PRKD1: variants seen among roughly 807,000 people sequenced by gnomAD.
PRKD1 encodes the protein serine/threonine-protein kinase D1.
PRKD1 carries 63 observed loss-of-function variants against 95.9 expected under a neutral mutation model. The ratio of observed to expected loss-of-function variants is 0.66; its 90% CI spans 0.54 to 0.81. The LOEUF (loss-of-function observed/expected upper bound fraction) is 0.81. Ranked by LOEUF, PRKD1 falls within the 30% of genes least tolerant of loss-of-function variation. The pLI, the probability that PRKD1 is intolerant of heterozygous loss-of-function variation, is 0.00. For synonymous variants in PRKD1, 425 were observed against 423.1 expected (o/e 1.00, Z -0.05); for missense variants, 1,048 against 1,165.3 (o/e 0.90, Z 1.47).
At chr14:29,677,342 G>T (rs1381359224) in intron 2 of PRKD1, among the ~76,000 whole-genome samples, 2 of 152,084 alleles carry the variant, frequency 1.3e-5, no homozygotes, top group African/African-American at 4.8e-5. Context: ...CTTTCAGTAT[G>T]GATAAATTAG....
intron 1 of PRKD1, among the ~76,000 whole-genome samples, chr14:29,820,309 A>T (rs905928574): frequency 6.6e-6 from 1 of 152,246 alleles, no homozygotes; most frequent in Non-Finnish European, 1.5e-5. Context: ...ACTAGCCTTA[A>T]AGGAACTCAC....
At chr14:29,770,930 CAA>C (rs753745571) in intron 1 of PRKD1, among the ~76,000 whole-genome samples, 857 of 47,046 alleles carry the variant, frequency 0.018, 2 homozygotes, top group African/African-American at 0.041. Flanking sequence ...AGACACTGTC[CAA>C]AAAAAAAAAA....
chr14:29,631,787 C>A (rs577425897), intron 9 of PRKD1, among the ~76,000 whole-genome samples: 1 of 147,930 alleles, frequency 6.8e-6, no homozygotes. Context: ...TGAGCCACTG[C>A]GCCTGGCCTT....
At chr14:29,840,148 T>G (rs1345931600) in intron 1 of PRKD1, among the ~76,000 whole-genome samples, 1 of 152,178 alleles carries the variant, frequency 6.6e-6, no homozygotes, top group East Asian at 1.9e-4. Flanking sequence ...TAAAACTGAA[T>G]GCCTTTAACA....
intron 8 of PRKD1, among the ~76,000 whole-genome samples, chr14:29,633,503 C>T (rs983766988): frequency 6.6e-6 from 1 of 152,072 alleles, no homozygotes; most frequent in African/African-American, 2.4e-5. Flanking sequence ...ATCAAACAAC[C>T]AACTCTACCT....
chr14:29,780,954 C>T (rs1037643376), intron 1 of PRKD1, among the ~76,000 whole-genome samples: 1 of 152,012 alleles, frequency 6.6e-6, no homozygotes. Context: ...GAATACTATG[C>T]CACCATAAAA....
intron 2 of PRKD1, among the ~76,000 whole-genome samples, chr14:29,677,867 G>A (rs925188042): frequency 2.0e-5 from 3 of 152,120 alleles, no homozygotes; most frequent in African/African-American, 7.2e-5. Flanking sequence ...GCCCAGCCCA[G>A]TTCTTCTTTT....
rs1055601307 is a variant in PRKD1, at chr14:29,824,828, T to TTA, written c.265-99156_265-99155dup. 9.9e-4 allele frequency among the ~76,000 whole-genome samples: 151 copies of TTA among 151,950 alleles called. 1 individual carries two copies. The highest frequency in any genetic ancestry group is 2.9e-3 in the African/African-American group (122 of 41,480). On this transcript the variant is annotated intron_variant, in intron 1 of 17. Coordinates refer to ENST00000331968, the MANE Select transcript of PRKD1 (RefSeq NM_002742.3). Reference sequence around the variant, plus strand: ...GTATATCCTTGAGGATATGTCTTACTTATATATATATATTTTTAATTAGAG... The same window carrying TTA: ...GTATATCCTTGAGGATATGTCTTACTTATATATATATATATTTTTAATTAGAG...
chr14:29,720,637 G>T (rs564205486), intron 2 of PRKD1, among the ~76,000 whole-genome samples: 1 of 151,794 alleles, frequency 6.6e-6, no homozygotes, highest in Non-Finnish European at 1.5e-5. Flanking sequence ...AAAATTAGCC[G>T]AGCGTGGTGG....
chr14:29,596,163 G>C (rs879496184), intron 16 of PRKD1, among the ~76,000 whole-genome samples: 2 of 152,188 alleles, frequency 1.3e-5, no homozygotes, highest in Non-Finnish European at 2.9e-5. Flanking sequence ...GATAGCTCTT[G>C]TCATTTAATA....
intron 1 of PRKD1, among the ~76,000 whole-genome samples, chr14:29,750,843 C>T (rs1161320092): frequency 6.6e-6 from 1 of 152,020 alleles, no homozygotes; most frequent in Admixed American, 6.6e-5. Context: ...TACTTTTGGG[C>T]CAGGAGAGTA....
intron 16 of PRKD1, chr14:29,594,042 T>C (rs1893216791): frequency 2.4e-6 from 1 of 417,552 alleles, no homozygotes; most frequent in Admixed American, 3.1e-5. Context: ...TCATGAAACC[T>C]CTCTGGGTTC....
intron 1 of PRKD1, among the ~76,000 whole-genome samples, chr14:29,785,688 G>A (rs1476260845): frequency 6.6e-6 from 1 of 151,304 alleles, no homozygotes; most frequent in Non-Finnish European, 1.5e-5. Flanking sequence ...GGGGGGAAGG[G>A]GGAGGGATAG....
chr14:29,812,055 C>A (rs1333521822), intron 1 of PRKD1: 2 of 152,178 alleles, frequency 1.3e-5, no homozygotes, highest in African/African-American at 4.8e-5. Context: ...CATACACACA[C>A]ACCCCCAAAC....
At position 29,826,804 on chromosome 14, in the gene PRKD1, CAT is replaced by C. The variant is rs1303314668; in HGVS notation, c.264+100443_264+100444del. On this transcript the variant is annotated intron_variant, in intron 1 of 17. Transcript: ENST00000331968. ...ATACATATATACACATATATATACA[CAT>C]ATATATACACATATATATATATATA... Among the ~76,000 whole-genome samples, 17 of 33,516 alleles carry C rather than the reference CAT, an allele frequency of 5.1e-4. 4 individuals are homozygous for C. Among genetic ancestry groups the C allele is most frequent in the Admixed American group, 9.1e-4 (2 of 2,186 alleles). The allele number at this position is 33,516 out of a possible 152,430, so 22.0% of individuals were successfully genotyped here.
At chr14:29,905,403 T>C (rs1248613496) in intron 1 of PRKD1, among the ~76,000 whole-genome samples, 1 of 152,170 alleles carries the variant, frequency 6.6e-6, no homozygotes, top group East Asian at 1.9e-4. Flanking sequence ...GGAATGCTTT[T>C]TGTGTATCAA....
chr14:29,810,173 C>T (rs913132747), intron 1 of PRKD1, among the ~76,000 whole-genome samples: 1 of 152,038 alleles, frequency 6.6e-6, no homozygotes, highest in African/African-American at 2.4e-5. Flanking sequence ...TCACAGATCA[C>T]CATAAAAATA....
In PRKD1 at chr14:29,624,267, T is replaced by C. The variant is rs1594371867; in HGVS notation, c.1799-9A>G. 1 of 1,578,006 alleles carries C rather than the reference T, an allele frequency of 6.3e-7. No homozygotes were observed. The highest frequency in any genetic ancestry group is 1.8e-5 in the Admixed American group (1 of 56,232). The stretch of plus-strand genomic sequence containing the variant: ...TGTTTTACGATGTTTTCCTTTAAAA[T>C]GAAAAAGGGAAGCATTAGTAAGTTA... On this transcript the variant is annotated splice_polypyrimidine_tract_variant and intron_variant, in intron 12 of 17. Coordinates refer to ENST00000331968, the MANE Select transcript of PRKD1 (RefSeq NM_002742.3).
chr14:29,899,638 T>C lies in PRKD1; in HGVS notation c.264+27611A>G, dbSNP rs149311454. Among the ~76,000 whole-genome samples the C allele has an allele frequency of 3.3e-3, 509 of 152,178 alleles. 3 individuals carry two copies. The highest frequency in any genetic ancestry group is 0.011 in the African/African-American group (476 of 41,532). On this transcript the variant is annotated intron_variant, in intron 1 of 17. Transcript: ENST00000331968. The stretch of plus-strand genomic sequence containing the variant: ...CTCCATACTGGGTAACAGAGAGAGA[T>C]TGTGTCTCAAAAACTTAAATTTAAA...
Sources: allele counts gnomAD v4.1 joint callset (sites outside exome capture counted in the v4.1 genomes callset), GRCh38; gene constraint gnomAD v4.1.1; transcripts MANE v1.5; gene names NCBI Gene and HGNC (gene_info 2026-07-23, HGNC 2026-07-21).